Variants in RBFOX1 observed in about 807,000 individuals in gnomAD.
RBFOX1 encodes the protein RNA binding fox-1 homolog 1.
A neutral mutation model predicts 57.7 loss-of-function variants in RBFOX1; 8 were observed. The ratio of observed to expected loss-of-function variants is 0.14; its 90% CI spans 0.08 to 0.25. The LOEUF (loss-of-function observed/expected upper bound fraction) is 0.25. RBFOX1 is among the 10% of genes least tolerant of loss of function. The pLI is 1.00. For synonymous variants in RBFOX1, 326 were observed against 222.4 expected, an observed-to-expected ratio of 1.47 and a Z score of -4.15; for missense variants, 611 against 548.5, an observed-to-expected ratio of 1.11 and a Z score of -1.14.
intron 3 of RBFOX1, among the ~76,000 whole-genome samples, chr16:6,929,341 T>C (rs1360306119): frequency 6.6e-6 from 1 of 152,172 alleles, no homozygotes; most frequent in Admixed American, 6.5e-5. Context: ...ATTCATAATG[T>C]GAATATAGGC....
chr16:6,645,975 C>G (rs2098531071), intron 2 of RBFOX1, among the ~76,000 whole-genome samples: 2 of 152,150 alleles, frequency 1.3e-5, no homozygotes, highest in South Asian at 4.2e-4. Flanking sequence ...GGAATCCCAT[C>G]TGTCGCCAGC....
In RBFOX1 at chr16:5,971,982, C is replaced by T. The variant is rs771249710; in HGVS notation, c.351+104647C>T. Among the ~76,000 whole-genome samples the T allele has an allele frequency of 5.3e-5, 8 of 152,306 alleles. 1 individual carries two copies. Among genetic ancestry groups the T allele is most frequent in the Admixed American group, 2.0e-4 (3 of 15,302 alleles). Reference sequence around the variant, plus strand: ...CTGCATCAGAGAGAATTCCTCTTGCCTGCCTGACTTCAAACTGGGACGTGT... The same window carrying T: ...CTGCATCAGAGAGAATTCCTCTTGCTTGCCTGACTTCAAACTGGGACGTGT... On this transcript the variant is annotated intron_variant, in intron 4 of 19. Transcript: ENST00000641259.
chr16:6,693,855 A>C (rs1173932274), intron 3 of RBFOX1, among the ~76,000 whole-genome samples: 2 of 152,190 alleles, frequency 1.3e-5, no homozygotes, highest in South Asian at 4.1e-4. Context: ...TTATTCAGCA[A>C]TTCTTTAGTG....
chr16:7,407,730 G>A (rs2098370366), intron 4 of RBFOX1, among the ~76,000 whole-genome samples: 1 of 152,160 alleles, frequency 6.6e-6, no homozygotes, highest in Non-Finnish European at 1.5e-5. Flanking sequence ...ATAACCTAGA[G>A]ACTGTGCAAG....
intron 1 of RBFOX1, among the ~76,000 whole-genome samples, chr16:6,029,689 C>T (rs536220969): frequency 1.6e-4 from 23 of 140,014 alleles, no homozygotes; most frequent in Non-Finnish European, 1.5e-4. Context: ...AGGAGAACGG[C>T]GTGAACATGG....
intron 3 of RBFOX1, among the ~76,000 whole-genome samples, chr16:5,792,615 G>A (rs888821346): frequency 6.6e-6 from 1 of 152,186 alleles, no homozygotes; most frequent in Non-Finnish European, 1.5e-5. Context: ...GGCTGAGGTG[G>A]GTGGATCACC....
At chr16:5,694,560 T>A (rs2050791751) in intron 3 of RBFOX1, among the ~76,000 whole-genome samples, 1 of 152,160 alleles carries the variant, frequency 6.6e-6, no homozygotes, top group Non-Finnish European at 1.5e-5. Flanking sequence ...TGCCTTGCTG[T>A]ACTCTAGCTT....
At chr16:5,659,066 C>T (rs2151384553) in intron 3 of RBFOX1, among the ~76,000 whole-genome samples, 1 of 151,962 alleles carries the variant, frequency 6.6e-6, no homozygotes, top group East Asian at 1.9e-4. Context: ...GCTTTTAGTT[C>T]TTTAAGGAAT....
intron 4 of RBFOX1, among the ~76,000 whole-genome samples, chr16:7,277,843 G>A (rs1322973835): frequency 1.3e-5 from 2 of 151,784 alleles, no homozygotes; most frequent in African/African-American, 4.8e-5. Context: ...CCACGTCAGT[G>A]TTTGAGAACA....
chr16:6,589,751 T>G (rs967345021), intron 2 of RBFOX1, among the ~76,000 whole-genome samples: 3 of 152,228 alleles, frequency 2.0e-5, no homozygotes, highest in African/African-American at 7.2e-5. Context: ...CATCTTTGTT[T>G]CAAAATTAAA....
chr16:5,469,774 G>A (rs570737182), intron 2 of RBFOX1, among the ~76,000 whole-genome samples: 7 of 152,134 alleles, frequency 4.6e-5, no homozygotes, highest in African/African-American at 1.4e-4. Context: ...GTGGTCTTCC[G>A]TATCTGGCTT....
chr16:5,775,249 G>T (rs1053452270), intron 3 of RBFOX1, among the ~76,000 whole-genome samples: 3 of 152,112 alleles, frequency 2.0e-5, no homozygotes, highest in Non-Finnish European at 4.4e-5. Flanking sequence ...CACCATAGCT[G>T]TTCCTAAGCT....
intron 2 of RBFOX1, among the ~76,000 whole-genome samples, chr16:6,405,339 C>T (rs1188576308): frequency 6.6e-6 from 1 of 152,144 alleles, no homozygotes; most frequent in Admixed American, 6.5e-5. Flanking sequence ...AACAAGTTGG[C>T]TCCTGAATCT....
intron 4 of RBFOX1, among the ~76,000 whole-genome samples, chr16:7,248,067 T>A (rs909000461): frequency 6.6e-6 from 1 of 152,124 alleles, no homozygotes; most frequent in African/African-American, 2.4e-5. Flanking sequence ...AAAAATAGAA[T>A]ATGGTTCTGG....
chr16:6,001,003 G>A (rs1016315873), intron 4 of RBFOX1, among the ~76,000 whole-genome samples: 4 of 151,896 alleles, frequency 2.6e-5, no homozygotes, highest in Admixed American at 6.6e-5. Context: ...GTGGATTGAC[G>A]GATGAGTAGA....
chr16:7,546,328 AAAAATAAAAT>A (rs59260994), intron 5 of RBFOX1, among the ~76,000 whole-genome samples: 53 of 148,674 alleles, frequency 3.6e-4, no homozygotes, highest in East Asian at 3.4e-3. Context: ...CTCCACCTCA[AAAAATAAAAT>A]AAAATAAAAT....
intron 5 of RBFOX1, among the ~76,000 whole-genome samples, chr16:7,529,619 G>C (rs2079519160): frequency 6.6e-6 from 1 of 151,962 alleles, no homozygotes; most frequent in Non-Finnish European, 1.5e-5. Context: ...ATTTTTCTGG[G>C]TTCTCCTGTT....
intron 3 of RBFOX1, among the ~76,000 whole-genome samples, chr16:6,657,175 C>G (rs1170984547): frequency 6.6e-6 from 1 of 150,648 alleles, no homozygotes; most frequent in African/African-American, 2.4e-5. Flanking sequence ...TTCCCTTTTT[C>G]TCTCCTCCTT....
chr16:5,405,966 G>C (rs1390174037), intron 1 of RBFOX1, among the ~76,000 whole-genome samples: 2 of 152,188 alleles, frequency 1.3e-5, no homozygotes, highest in African/African-American at 4.8e-5. Context: ...GGACAGGGAA[G>C]CATGTCTGGA....
Sources: allele counts gnomAD v4.1 joint callset (sites outside exome capture counted in the v4.1 genomes callset), GRCh38; gene constraint gnomAD v4.1.1; transcripts MANE v1.5; gene names NCBI Gene and HGNC (gene_info 2026-07-23, HGNC 2026-07-21).